The following ITGAE variants were observed in gnomAD, a reference collection of about 807,000 sequenced individuals.
The protein encoded by ITGAE is integrin subunit alpha E.
A neutral mutation model predicts 136.5 loss-of-function variants in ITGAE; 99 were observed. The ratio of observed to expected loss-of-function variants is 0.73; its 90% CI spans 0.62 to 0.86. ITGAE has a LOEUF of 0.86. ITGAE is among the 40% of genes least tolerant of loss of function. ITGAE has a pLI of 0.00. For synonymous variants in ITGAE, 613 were observed against 591.8 expected, an observed-to-expected ratio of 1.04 and a Z score of -0.52; for missense variants, 1,447 against 1,515.3, an observed-to-expected ratio of 0.95 and a Z score of 0.75.
chr17:3,764,020 C>G (rs2052235941), intron 2 of ITGAE, 60 bp from the exon 3 acceptor site: 7 of 1,208,338 alleles, frequency 5.8e-6, no homozygotes, highest in Non-Finnish European at 8.4e-6. Context: ...TTCTCCCTGC[C>G]TGCCCAGCAC....
At chr17:3,727,558 C>T (rs1048349795) in intron 26 of ITGAE, among the ~76,000 whole-genome samples, 1 of 152,062 alleles carries the variant, frequency 6.6e-6, no homozygotes, top group African/African-American at 2.4e-5. Context: ...CGCCACCACG[C>T]CCGGAGAATT....
In ITGAE at chr17:3,716,805, A is replaced by G; in HGVS notation, c.3334-7T>C. On this transcript the variant is annotated splice_region_variant and splice_polypyrimidine_tract_variant and intron_variant, in intron 29 of 30. Coordinates refer to ENST00000263087, the MANE Select transcript of ITGAE (RefSeq NM_002208.5). ...TCAGGAAGACGACAGTGATCTAGAC[A>G]AGACAAAGAGATCGCCCAATAAATC... 6.8e-7 allele frequency: 1 copy of G among 1,469,876 alleles called. No homozygotes were observed. The highest frequency in any genetic ancestry group is 9.5e-7 in the Non-Finnish European group (1 of 1,053,818). The allele number at this position is 1,469,876 out of a possible 1,614,324, so 91.1% of individuals were successfully genotyped here.
intron 2 of ITGAE, among the ~76,000 whole-genome samples, chr17:3,775,841 C>G (rs998258312): frequency 2.6e-5 from 4 of 151,994 alleles, no homozygotes; most frequent in Non-Finnish European, 4.4e-5. Flanking sequence ...TCAGAGGCCA[C>G]GTGCATCCTC....
At chr17:3,742,081 A>C (rs1353661022) in intron 19 of ITGAE, among the ~76,000 whole-genome samples, 2 of 152,236 alleles carry the variant, frequency 1.3e-5, no homozygotes, top group African/African-American at 4.8e-5. Flanking sequence ...CTGTCTCAAA[A>C]ACAAAACAAA....
At chr17:3,796,109 C>CTGTGTATGCATCCGTG (rs2053086247) in intron 1 of ITGAE, among the ~76,000 whole-genome samples, 1 of 128,392 alleles carries the variant, frequency 7.8e-6, no homozygotes, top group Non-Finnish European at 1.6e-5. Context: ...GTGTGCATCC[C>CTGTGTATGCATCCGTG]TGTGTGCATC....
chr17:3,775,002 A>G (rs559700995), intron 2 of ITGAE, among the ~76,000 whole-genome samples: 42 of 152,078 alleles, frequency 2.8e-4, no homozygotes, highest in African/African-American at 9.2e-4. Context: ...GTGCAGTGGC[A>G]CAATCGCGGC....
intron 1 of ITGAE, among the ~76,000 whole-genome samples, chr17:3,786,306 A>T (rs1234123582): frequency 6.6e-6 from 1 of 152,154 alleles, no homozygotes; most frequent in African/African-American, 2.4e-5. Flanking sequence ...TCACCTGAGT[A>T]AGATATTTTA....
intron 16 of ITGAE, among the ~76,000 whole-genome samples, chr17:3,749,938 C>A (rs1212917255): frequency 6.6e-6 from 1 of 152,032 alleles, no homozygotes; most frequent in South Asian, 2.1e-4. Context: ...ATTGCTTGAA[C>A]CTGGGAGGCG....
At chr17:3,732,742 A>C (rs1270521986) in intron 21 of ITGAE, among the ~76,000 whole-genome samples, 2 of 152,100 alleles carry the variant, frequency 1.3e-5, no homozygotes, top group African/African-American at 2.4e-5. Context: ...ATGAATTCCA[A>C]CTCGGAGGAA....
chr17:3,789,635 G>A (rs1292187338), intron 1 of ITGAE, among the ~76,000 whole-genome samples: 1 of 151,968 alleles, frequency 6.6e-6, no homozygotes, highest in African/African-American at 2.4e-5. Context: ...CCTGTAGCTG[G>A]GATTGCAGGC....
chr17:3,716,200 T>TA (rs2050940939), intron 30 of ITGAE, among the ~76,000 whole-genome samples: 1 of 137,408 alleles, frequency 7.3e-6, no homozygotes. Flanking sequence ...AAGCAACACT[T>TA]AAGGGCAGAG....
rs140780950 is a variant in ITGAE, at chr17:3,724,716, G to A, written c.3085-972C>T. The stretch of plus-strand genomic sequence containing the variant: ...AACCCCTGAGGATTCTGAGTTTCGG[G>A]CAGATGGGAAGAATATGAGAGAGTC... On this transcript the variant is annotated intron_variant, in intron 26 of 30. Coordinates refer to ENST00000263087, the MANE Select transcript of ITGAE (RefSeq NM_002208.5). 473 of 1,614,234 alleles carry A rather than the reference G, an allele frequency of 2.9e-4. No individual in the cohort carries two copies. The highest frequency in any genetic ancestry group is 3.8e-4 in the Non-Finnish European group (443 of 1,180,046).
intron 26 of ITGAE, chr17:3,724,242 C>T: frequency 1.3e-5 from 20 of 1,593,358 alleles, no homozygotes; most frequent in Non-Finnish European, 1.6e-5. Flanking sequence ...GCGCTGGAAG[C>T]TGCGAGCTCG....
chr17:3,774,138 G>A (rs1004923248), intron 2 of ITGAE, among the ~76,000 whole-genome samples: 1 of 150,438 alleles, frequency 6.6e-6, no homozygotes, highest in Non-Finnish European at 1.5e-5. Context: ...CTCCCGCCCT[G>A]CCCAGCCAGG....
chr17:3,726,319 G>A lies in ITGAE; in HGVS notation c.3084+1600C>T. 6.2e-7 allele frequency: 1 copy of A among 1,609,842 alleles called. No homozygotes were observed. The highest frequency in any genetic ancestry group is 1.7e-5 in the Admixed American group (1 of 59,720). On this transcript the variant is annotated intron_variant, in intron 26 of 30. Coordinates refer to ENST00000263087, the MANE Select transcript of ITGAE (RefSeq NM_002208.5). ...GCCACTGACTTGCTCTGCCAGCACA[G>A]TCTGTTTAAGTAAGCTAAATGTATC...
chr17:3,739,899 C>G (rs1203711180), intron 19 of ITGAE, 21 bp from the exon 20 acceptor site: 1 of 1,604,274 alleles, frequency 6.2e-7, no homozygotes, highest in South Asian at 1.1e-5. Context: ...ACAGAGAGTC[C>G]CGATCAGCCC....
intron 1 of ITGAE, among the ~76,000 whole-genome samples, chr17:3,795,312 G>A (rs770524397): frequency 2.6e-5 from 4 of 152,158 alleles, no homozygotes; most frequent in African/African-American, 4.8e-5. Flanking sequence ...CTCAGCGCAG[G>A]GCCAGGCCCA....
Position 3,785,150 on chromosome 17 carries a change from T to TA in ITGAE, c.35-7491dup, listed in dbSNP as rs1011780979. Among the ~76,000 whole-genome samples, 56 of 149,510 alleles carry TA rather than the reference T, an allele frequency of 3.7e-4. No individual in the cohort carries two copies. In the South Asian group the frequency reaches 7.9e-3, roughly 21 times the overall value. Reference sequence around the variant, plus strand: ...CTGGGTGACAGAACAAGACCCCATGTAAAAAAAAGAAAAAAGAAAGAAAGG... The same window carrying TA: ...CTGGGTGACAGAACAAGACCCCATGTAAAAAAAAAGAAAAAAGAAAGAAAGG... On this transcript the variant is annotated intron_variant, in intron 1 of 30. Transcript: ENST00000263087.
intron 12 of ITGAE, 53 bp downstream of exon 12, chr17:3,755,064 A>AGGCCCCGCCCTCATCAGCT (rs2051978661): frequency 1.3e-6 from 1 of 751,262 alleles, no homozygotes; most frequent in South Asian, 1.7e-5. Context: ...GGGAGCCTCC[A>AGGCCCCGCCCTCATCAGCT]GGCCCCGCCC....
Sources: allele counts gnomAD v4.1 joint callset (sites outside exome capture counted in the v4.1 genomes callset), GRCh38; gene constraint gnomAD v4.1.1; transcripts MANE v1.5; gene names NCBI Gene and HGNC (gene_info 2026-07-23, HGNC 2026-07-21).